ERICH6: variants seen among roughly 807,000 people sequenced by gnomAD.
The protein encoded by ERICH6 is glutamate rich 6, also known as glutamate-rich protein 6.
A neutral mutation model predicts 71.0 loss-of-function variants in ERICH6; 71 were observed. That is an observed-to-expected ratio of 1.00 (90% CI 0.83 to 1.22). The LOEUF (loss-of-function observed/expected upper bound fraction) is 1.22. Among genes scored for constraint, ERICH6 ranks in the 50% most tolerant of loss-of-function variants. ERICH6 has a pLI of 0.00. For missense variants in ERICH6, 808 were observed against 797.2 expected (o/e 1.01, Z -0.16); for synonymous variants, 262 against 278.4 (o/e 0.94, Z 0.59).
chr3:150,697,877 C>G (rs570506675), intron 3 of ERICH6, among the ~76,000 whole-genome samples: 1 of 152,292 alleles, frequency 6.6e-6, no homozygotes, highest in South Asian at 2.1e-4. Context: ...TGATCTCATC[C>G]CCTAAGATTC....
intron 6 of ERICH6, among the ~76,000 whole-genome samples, chr3:150,684,692 T>C (rs981933948): frequency 2.6e-5 from 4 of 152,184 alleles, no homozygotes; most frequent in Non-Finnish European, 4.4e-5. Context: ...AGGTAAACTT[T>C]CTCTTGCCCT....
intron 3 of ERICH6, among the ~76,000 whole-genome samples, chr3:150,696,970 C>T (rs1034228661): frequency 6.6e-6 from 1 of 152,100 alleles, no homozygotes; most frequent in African/African-American, 2.4e-5. Flanking sequence ...TACTGTAACA[C>T]TGTGGAAATA....
At chr3:150,688,795 G>C (rs1043887544) in intron 3 of ERICH6, among the ~76,000 whole-genome samples, 1 of 152,162 alleles carries the variant, frequency 6.6e-6, no homozygotes, top group Non-Finnish European at 1.5e-5. Context: ...CTTTCCAGAC[G>C]AAACCAATAT....
In ERICH6 at chr3:150,678,617, T is replaced by C. The variant is rs904002140; in HGVS notation, c.1112-63A>G. 8 of 1,370,122 alleles carry C rather than the reference T, an allele frequency of 5.8e-6. No individual in the cohort carries two copies. In the African/African-American group the frequency reaches 1.2e-4, roughly 21 times the overall value. The allele number at this position is 1,370,122 out of a possible 1,614,324, so 84.9% of individuals were successfully genotyped here. Reference sequence around the variant, plus strand: ...TTTAAATTTTCTAAAGCCTCTTTTCTAAAATGAAATTTCAAACCCCAATAT... The same window carrying C: ...TTTAAATTTTCTAAAGCCTCTTTTCCAAAATGAAATTTCAAACCCCAATAT... On this transcript the variant is annotated intron_variant, in intron 9 of 13. Coordinates refer to ENST00000295910, the MANE Select transcript of ERICH6 (RefSeq NM_152394.5).
intron 13 of ERICH6, among the ~76,000 whole-genome samples, chr3:150,661,759 T>A (rs1727231897): frequency 6.6e-6 from 1 of 152,190 alleles, no homozygotes; most frequent in Non-Finnish European, 1.5e-5. Context: ...TGCATGCCTG[T>A]AGTCCTAGCT....
intron 3 of ERICH6, among the ~76,000 whole-genome samples, chr3:150,695,646 G>A (rs988255489): frequency 2.6e-5 from 4 of 152,050 alleles, no homozygotes; most frequent in Admixed American, 1.3e-4. Flanking sequence ...CCAGCCTGGC[G>A]ACAGAGCGAG....
chr3:150,669,677 T>C (rs1299801592), intron 11 of ERICH6, among the ~76,000 whole-genome samples: 1 of 152,184 alleles, frequency 6.6e-6, no homozygotes, highest in Non-Finnish European at 1.5e-5. Flanking sequence ...ATAAAAAGGA[T>C]TACGCACCAT....
At chr3:150,675,999 A>C (rs1356261269) in intron 10 of ERICH6, among the ~76,000 whole-genome samples, 2 of 150,842 alleles carry the variant, frequency 1.3e-5, no homozygotes, top group Non-Finnish European at 2.9e-5. Context: ...AAAAATTATC[A>C]TCCATTATCT....
chr3:150,675,781 C>T lies in ERICH6; in HGVS notation c.1258-1740G>A, dbSNP rs76965079. Among the ~76,000 whole-genome samples the T allele has an allele frequency of 3.9e-4, 59 of 151,476 alleles. No individual in the cohort carries two copies. In the East Asian group the frequency reaches 7.0e-3, roughly 18 times the overall value. ...ATTGTTGCTGTTGGGAGGTCATCTG[C>T]TAATCTAATTGTTTTCTTTTAAATG... On this transcript the variant is annotated intron_variant, in intron 10 of 13. Transcript: ENST00000295910.
At chr3:150,671,226 A>C (rs946989601) in intron 11 of ERICH6, among the ~76,000 whole-genome samples, 1 of 152,148 alleles carries the variant, frequency 6.6e-6, no homozygotes, top group African/African-American at 2.4e-5. Flanking sequence ...TGTGAAAGTC[A>C]TTTTTCTGGC....
intron 13 of ERICH6, among the ~76,000 whole-genome samples, chr3:150,661,598 C>T (rs748024795): frequency 4.6e-5 from 7 of 151,914 alleles, no homozygotes; most frequent in South Asian, 2.1e-4. Context: ...TAATATTTTC[C>T]GAGGGACTTG....
chr3:150,702,498 G>A (rs530352003), intron 1 of ERICH6, among the ~76,000 whole-genome samples: 76 of 152,042 alleles, frequency 5.0e-4, no homozygotes, highest in Non-Finnish European at 9.7e-4. Flanking sequence ...GAATGGTCTC[G>A]ATCTCCCGAC....
intron 10 of ERICH6, among the ~76,000 whole-genome samples, chr3:150,675,355 C>T (rs1256974585): frequency 6.7e-6 from 1 of 148,698 alleles, no homozygotes; most frequent in Non-Finnish European, 1.5e-5. Context: ...TTATCTCACA[C>T]TTTTTTTTTT....
At chr3:150,671,116 A>C (rs1711500146) in intron 11 of ERICH6, among the ~76,000 whole-genome samples, 1 of 152,192 alleles carries the variant, frequency 6.6e-6, no homozygotes, top group Non-Finnish European at 1.5e-5. Flanking sequence ...AAAAATTTTT[A>C]GGTCAGGTAA....
chr3:150,687,513 A>G (rs1270283777), intron 3 of ERICH6, among the ~76,000 whole-genome samples: 1 of 152,140 alleles, frequency 6.6e-6, no homozygotes, highest in Non-Finnish European at 1.5e-5. Context: ...TATGTCTGTT[A>G]TTCTTCATGA....
intron 6 of ERICH6, among the ~76,000 whole-genome samples, chr3:150,685,004 CA>C (rs1189736704): frequency 1.4e-4 from 21 of 148,828 alleles, no homozygotes; most frequent in African/African-American, 1.2e-4. Context: ...GACCTTGTCT[CA>C]AAAAAAAAAA....
At position 150,678,541 on chromosome 3, in the gene ERICH6, T is replaced by A; in HGVS notation, c.1125A>T (p.Leu375Phe). ...THFSEDDSKR[L>F]KTISYQLSVD... ...CAGAAAGTTGATAAGAAATTGTTTT[T>A]AAGCGCTTTGAATCTAGTGGGAAAA... The change falls in exon 10 of 14, where the codon TTA (leucine) becomes TTT (phenylalanine). Residue 375 changes from leucine (L) to phenylalanine (F), a missense_variant. Physicochemically the swap from Leu to Phe is conservative, Grantham distance 22. Around this residue, in one of 3 missense-constraint regions of ERICH6, gnomAD observed 736 missense variants for 712.2 expected, o/e 1.03. Transcript: ENST00000295910. The A allele has an allele frequency of 6.3e-7, 1 of 1,598,520 alleles. No individual in the cohort carries two copies. Among genetic ancestry groups the A allele is most frequent in the Non-Finnish European group, 8.5e-7 (1 of 1,176,202 alleles).
intron 3 of ERICH6, among the ~76,000 whole-genome samples, chr3:150,693,345 C>T (rs996321664): frequency 6.6e-6 from 1 of 152,174 alleles, no homozygotes; most frequent in African/African-American, 2.4e-5. Context: ...ACTTATGGAT[C>T]CAATAAAAGC....
intron 6 of ERICH6, among the ~76,000 whole-genome samples, chr3:150,683,266 T>C (rs1712042645): frequency 6.6e-6 from 1 of 152,232 alleles, no homozygotes; most frequent in Admixed American, 6.5e-5. Flanking sequence ...AAAAGCAGAA[T>C]GCTTGGAGAG....
Sources: allele counts gnomAD v4.1 joint callset (sites outside exome capture counted in the v4.1 genomes callset), GRCh38; gene constraint gnomAD v4.1.1; regional missense constraint gnomAD v4.1.1; transcripts MANE v1.5; gene names NCBI Gene and HGNC (gene_info 2026-07-23, HGNC 2026-07-21).